LPA: variants seen among roughly 807,000 people sequenced by gnomAD.
The protein encoded by LPA is apolipoprotein(a).
A neutral mutation model predicts 197.9 loss-of-function variants in LPA; 199 were observed. The observed-to-expected ratio is 1.01, with a 90% CI of 0.90 to 1.13. The LOEUF is 1.13. Ranked by LOEUF, LPA falls within the 50% of genes most tolerant of loss-of-function variation. The probability of loss-of-function intolerance (pLI) is 0.00; values close to 1 mark genes in which losing one functional copy is unlikely to be tolerated. For synonymous variants in LPA, 715 were observed against 639.5 expected (o/e 1.12, Z -1.78); for missense variants, 1,853 against 1,785.8 (o/e 1.04, Z -0.68).
chr6:160,562,152 C>T (rs1778373165), intron 28 of LPA, among the ~76,000 whole-genome samples: 1 of 152,128 alleles, frequency 6.6e-6, no homozygotes, highest in Non-Finnish European at 1.5e-5. Context: ...TGCTGGTTTT[C>T]AAAGGGAATG....
chr6:160,658,400 G>A (rs1480848546), intron 1 of LPA, among the ~76,000 whole-genome samples: 1 of 152,150 alleles, frequency 6.6e-6, no homozygotes, highest in African/African-American at 2.4e-5. Context: ...TTTCTCTACA[G>A]GAGTTAAAAC....
chr6:160,658,509 T>A (rs1780168367), intron 1 of LPA, among the ~76,000 whole-genome samples: 2 of 152,184 alleles, frequency 1.3e-5, no homozygotes, highest in South Asian at 2.1e-4. Context: ...CATCTCTTTC[T>A]CCAGAGAACT....
intron 2 of LPA, among the ~76,000 whole-genome samples, chr6:160,649,117 T>C (rs1419226949): frequency 2.6e-5 from 4 of 152,180 alleles, no homozygotes; most frequent in Admixed American, 1.3e-4. Flanking sequence ...AGTTTTGCTA[T>C]TGTTTGTGTG....
intron 16 of LPA, 70 bp downstream of exon 16, chr6:160,611,492 G>T: frequency 6.3e-7 from 1 of 1,591,414 alleles, no homozygotes; most frequent in Non-Finnish European, 8.6e-7. Flanking sequence ...AACTCAGCTT[G>T]AAGCATGTCT....
intron 28 of LPA, among the ~76,000 whole-genome samples, chr6:160,557,922 ATT>A (rs35457795): frequency 5.6e-5 from 8 of 143,574 alleles, no homozygotes; most frequent in East Asian, 2.0e-4. Context: ...TGCATTTTAG[ATT>A]TTTTTTTTTT....
intron 1 of LPA, among the ~76,000 whole-genome samples, chr6:160,654,845 C>T (rs1780104410): frequency 6.6e-6 from 1 of 152,160 alleles, no homozygotes; most frequent in Non-Finnish European, 1.5e-5. Flanking sequence ...TGCAGCTGTC[C>T]ACTTTCGGGT....
chr6:160,604,967 A>G (rs1399077198), intron 18 of LPA, 79 bp downstream of exon 18: 1 of 1,593,202 alleles, frequency 6.3e-7, no homozygotes, highest in Admixed American at 1.7e-5. Flanking sequence ...AGTCCTGAAC[A>G]CTCAGCTTGA....
rs1454309146 is a variant in LPA, at chr6:160,595,409, G to A, written c.3414C>T (p.Val1138=). The change falls in exon 21 of 39, where the codon GTC becomes GTT. Residue 1138 remains valine, a synonymous_variant. Coordinates refer to ENST00000316300, the MANE Select transcript of LPA (RefSeq NM_005577.4). ...CTGGGACCACCGTGAGAGTTGCAAG[G>A]ACACTTGATTCTGTCACCAGGCATT... ...LTQCLVTESS[V]LATLTVVPDP... is the part of the protein sequence containing the mutation. 2.5e-6 allele frequency: 4 copies of A among 1,613,714 alleles called. No individual in the cohort carries two copies. Among genetic ancestry groups the A allele is most frequent in the Non-Finnish European group, 3.4e-6 (4 of 1,179,936 alleles).
chr6:160,590,294 A>G (rs377709279), intron 23 of LPA, among the ~76,000 whole-genome samples: 2 of 152,158 alleles, frequency 1.3e-5, no homozygotes, highest in African/African-American at 4.8e-5. Context: ...GCATTGCAAC[A>G]AAGTAGACAT....
At chr6:160,557,327 G>T in intron 29 of LPA, 63 bp downstream of exon 29, 2 of 1,580,228 alleles carry the variant, frequency 1.3e-6, no homozygotes, top group Admixed American at 1.7e-5. Flanking sequence ...GCATCAGTCA[G>T]ATTTTCCATC....
intron 18 of LPA, 47 bp downstream of exon 18, chr6:160,604,999 A>G (rs752951937): frequency 1.2e-6 from 2 of 1,610,968 alleles, no homozygotes; most frequent in South Asian, 2.2e-5. Context: ...ACTAACAGAA[A>G]TTTCCACTGA....
Position 160,571,652 on chromosome 6 carries a change from C to T in LPA, c.4631+5484G>A, listed in dbSNP as rs572113710. ...AGTGCACCCTGCCCAGTTCAAACTTCCTAGCGGTTTTGCTTACACTGTGAG... is the reference window on the plus strand; with the variant it reads ...AGTGCACCCTGCCCAGTTCAAACTTTCTAGCGGTTTTGCTTACACTGTGAG... On this transcript the variant is annotated intron_variant, in intron 28 of 38. Coordinates refer to ENST00000316300, the MANE Select transcript of LPA (RefSeq NM_005577.4). Among the ~76,000 whole-genome samples, 343 of 152,342 alleles carry T rather than the reference C, an allele frequency of 2.3e-3. 1 individual carries two copies. The highest frequency in any genetic ancestry group is 7.8e-3 in the African/African-American group (326 of 41,582).
intron 20 of LPA, among the ~76,000 whole-genome samples, chr6:160,599,049 A>G (rs1301195823): frequency 6.6e-6 from 1 of 152,218 alleles, no homozygotes; most frequent in Non-Finnish European, 1.5e-5. Flanking sequence ...GCCAGCTTAA[A>G]AAATGTCTTC....
intron 16 of LPA, among the ~76,000 whole-genome samples, chr6:160,609,992 A>G (rs919935226): frequency 2.6e-5 from 4 of 152,248 alleles, no homozygotes; most frequent in Admixed American, 2.0e-4. Flanking sequence ...TGGCTATTCT[A>G]TACTATTAAT....
At chr6:160,607,238 A>T (rs753283326) in intron 16 of LPA, among the ~76,000 whole-genome samples, 1 of 152,038 alleles carries the variant, frequency 6.6e-6, no homozygotes, top group African/African-American at 2.4e-5. Context: ...TGCAAATTGT[A>T]TTACTTTCTG....
At chr6:160,542,581 G>C in intron 34 of LPA, 107 bp downstream of exon 34, 5 of 1,497,860 alleles carry the variant, frequency 3.3e-6, no homozygotes, top group Non-Finnish European at 4.5e-6. Context: ...AGAAAACAGA[G>C]AGGCAGGTAT....
chr6:160,596,466 G>T (rs1299013545), intron 20 of LPA, among the ~76,000 whole-genome samples: 1 of 151,750 alleles, frequency 6.6e-6, no homozygotes, highest in Non-Finnish European at 1.5e-5. Flanking sequence ...TTTGTTCATA[G>T]GGGATTCCAA....
intron 28 of LPA, among the ~76,000 whole-genome samples, chr6:160,559,772 T>G (rs1778330804): frequency 6.6e-6 from 1 of 152,166 alleles, no homozygotes; most frequent in South Asian, 2.1e-4. Flanking sequence ...TGGTGAGTTC[T>G]TATTCATTCT....
rs59566810 is a variant in LPA, at chr6:160,556,027, A to C, written c.4971T>G (p.Asn1657Lys). The change falls in exon 30 of 39, where the codon AAT becomes AAG. Residue 1657 changes from asparagine (N) to lysine (K), a missense_variant and splice_region_variant. This residue lies in a region of LPA where 1,737 missense variants were observed against 1,504.4 expected (regional missense o/e 1.15). Transcript: ENST00000316300. Reference sequence around the variant, plus strand: ...TACAAGTAACATCAAAGACATACTCATTTGGGTAGTTTTCTGGGGTCCTCT... The same window carrying C: ...TACAAGTAACATCAAAGACATACTCCTTTGGGTAGTTTTCTGGGGTCCTCT... Reference protein sequence around the residue: ...RHQRTPENYPNDGLTMNYCRN... With the variant: ...RHQRTPENYPKDGLTMNYCRN... The C allele has an allele frequency of 2.8e-3, 4,432 of 1,602,674 alleles. 109 individuals carry two copies. In the African/African-American group the frequency reaches 0.052, roughly 19 times the overall value.
Sources: allele counts gnomAD v4.1 joint callset (sites outside exome capture counted in the v4.1 genomes callset), GRCh38; gene constraint gnomAD v4.1.1; regional missense constraint gnomAD v4.1.1; transcripts MANE v1.5; gene names NCBI Gene and HGNC (gene_info 2026-07-23, HGNC 2026-07-21).